POU2F1: variants seen among roughly 807,000 people sequenced by gnomAD.
POU2F1 encodes POU domain, class 2, transcription factor 1.
Under a neutral mutation model 84.9 loss-of-function variants are expected in POU2F1, and 16 were observed. The observed-to-expected ratio is 0.19, with a 90% confidence interval of 0.13 to 0.29. The LOEUF (loss-of-function observed/expected upper bound fraction) is 0.29. Among genes scored for constraint, POU2F1 ranks in the 10% least tolerant of loss-of-function variants. The probability of loss-of-function intolerance (pLI) is 1.00; values close to 1 mark genes in which losing one functional copy is unlikely to be tolerated. For synonymous variants in POU2F1, 368 were observed against 368.3 expected (o/e 1.00, Z 0.01); for missense variants, 738 against 942.6 (o/e 0.78, Z 2.84).
chr1:167,271,794 A>G (rs2102469662), intron 1 of POU2F1, among the ~76,000 whole-genome samples: 1 of 152,330 alleles, frequency 6.6e-6, no homozygotes, highest in Non-Finnish European at 1.5e-5. Context: ...TAATGTAGGA[A>G]TAGGCAAACA....
At chr1:167,329,957 C>T (rs1656972122) in intron 1 of POU2F1, among the ~76,000 whole-genome samples, 1 of 152,106 alleles carries the variant, frequency 6.6e-6, no homozygotes, top group Non-Finnish European at 1.5e-5. Context: ...TTAGAGTTTT[C>T]TCTGTAGAAC....
At chr1:167,243,707 C>T (rs891987810) in intron 1 of POU2F1, among the ~76,000 whole-genome samples, 1 of 152,140 alleles carries the variant, frequency 6.6e-6, no homozygotes, top group African/African-American at 2.4e-5. Context: ...AACTCCCAAC[C>T]CCAGATGATC....
chr1:167,329,206 C>T lies in POU2F1; in HGVS notation c.62-3264C>T, dbSNP rs938401944. The T allele has an allele frequency of 2.2e-5, 34 of 1,534,444 alleles. No individual in the cohort carries two copies. In the Admixed American group the frequency reaches 6.6e-4, roughly 30 times the overall value. ...GATTTGTTAGAAATAGTAGTACCTT[C>T]TTTCCCCACCCCAAACTGCTACCTG... is the stretch of plus-strand genomic sequence containing the variant. On this transcript the variant is annotated intron_variant, in intron 1 of 15. Coordinates refer to ENST00000367866, the MANE Select transcript of POU2F1 (RefSeq NM_002697.4).
intron 1 of POU2F1, among the ~76,000 whole-genome samples, chr1:167,263,345 C>T (rs1651707556): frequency 6.6e-6 from 1 of 151,988 alleles, no homozygotes; most frequent in Non-Finnish European, 1.5e-5. Context: ...TATGATGAAA[C>T]CCTGTTTCTA....
chr1:167,317,068 T>G (rs973687400), intron 1 of POU2F1, among the ~76,000 whole-genome samples: 1 of 152,090 alleles, frequency 6.6e-6, no homozygotes, highest in Admixed American at 6.5e-5. Context: ...AATTCTTGTA[T>G]TTTTAGTAGA....
rs1254594212 is a variant in POU2F1 at position 167,413,041 on chromosome 1, T to C, written c.1917T>C (p.Ser639=). 1.2e-6 allele frequency: 2 copies of C among 1,613,938 alleles called. No homozygotes were observed. The highest frequency in any genetic ancestry group is 2.7e-5 in the African/African-American group (2 of 74,928). Residue 639 remains serine (S), a synonymous_variant, in exon 15 of 16, where the codon AGT becomes AGC. Coordinates refer to ENST00000367866, the MANE Select transcript of POU2F1 (RefSeq NM_002697.4). The part of the protein sequence containing the change: ...SQFAAGGALL[S]LNPGTLSGAL... ...GGACTTGCAGAGGTGCCTTACTCAG[T>C]CTGAATCCAGGGACCCTGAGCGGTG...
At chr1:167,245,047 A>G (rs1381450406) in intron 1 of POU2F1, among the ~76,000 whole-genome samples, 2 of 152,228 alleles carry the variant, frequency 1.3e-5, no homozygotes, top group Non-Finnish European at 2.9e-5. Flanking sequence ...AGAGAGGAGA[A>G]TAGGAGCATA....
At chr1:167,353,796 A>C (rs1449656688) in intron 2 of POU2F1, among the ~76,000 whole-genome samples, 3 of 152,238 alleles carry the variant, frequency 2.0e-5, no homozygotes, top group Non-Finnish European at 4.4e-5. Context: ...TTAAGTACTC[A>C]TATCTACCAC....
At chr1:167,294,172 C>CAAAAAAAAAAAAAAAAAA in intron 1 of POU2F1, among the ~76,000 whole-genome samples, 1 of 30,958 alleles carries the variant, frequency 3.2e-5, no homozygotes, top group Non-Finnish European at 9.0e-5. Context: ...TACTAAAATA[C>CAAAAAAAAAAAAAAAAAA]AAAAAAAAAA....
intron 1 of POU2F1, among the ~76,000 whole-genome samples, chr1:167,241,199 T>C (rs1168068034): frequency 6.6e-6 from 1 of 152,078 alleles, no homozygotes; most frequent in Admixed American, 6.6e-5. Context: ...AGGAGATAAC[T>C]CTCCTCTCCT....
At chr1:167,395,204 A>C (rs1648719497) in intron 9 of POU2F1, among the ~76,000 whole-genome samples, 2 of 152,214 alleles carry the variant, frequency 1.3e-5, no homozygotes, top group Admixed American at 1.3e-4. Flanking sequence ...TACATTTCAA[A>C]GGTTATAGGC....
intron 2 of POU2F1, among the ~76,000 whole-genome samples, chr1:167,333,905 A>C (rs1416764318): frequency 6.6e-6 from 1 of 152,150 alleles, no homozygotes; most frequent in East Asian, 1.9e-4. Flanking sequence ...ATGTTTGCAG[A>C]GAGAAATAGG....
chr1:167,414,283 G>C, intron 15 of POU2F1: 1 of 971,904 alleles, frequency 1.0e-6, no homozygotes, highest in Non-Finnish European at 1.2e-6. Context: ...CTGCTTTATT[G>C]AATGTTTCTG....
chr1:167,221,244 CACCGGCCCTCCTCCTCT>C (rs1221165852), intron 1 of POU2F1, among the ~76,000 whole-genome samples: 1 of 151,244 alleles, frequency 6.6e-6, no homozygotes, highest in Non-Finnish European at 1.5e-5. Context: ...TGCCCGTCGG[CACCGGCCCTCCTCCTCT>C]GCCGGCCGCC....
intron 1 of POU2F1, among the ~76,000 whole-genome samples, chr1:167,228,416 C>G (rs1157961286): frequency 1.3e-5 from 2 of 152,094 alleles, no homozygotes; most frequent in Non-Finnish European, 2.9e-5. Context: ...ATTACTTGAC[C>G]TCAAGAGACT....
At position 167,267,630 on chromosome 1, in the gene POU2F1, CTTTT is replaced by C. The variant is rs71073658; in HGVS notation, c.61+46694_61+46697del. 7.2e-4 allele frequency among the ~76,000 whole-genome samples: 51 copies of C among 70,476 alleles called. 1 individual carries two copies. The East Asian group carries it at 0.02, about 27-fold the overall frequency. 46.2% of individuals were successfully genotyped at this position (70,476 alleles called of 152,430 possible). On this transcript the variant is annotated intron_variant, in intron 1 of 15. Transcript: ENST00000367866. Reference sequence around the variant, plus strand: ...TGTGAAAGTATCACAGTTACTGTGTCTTTTTTTTTTTTTTTTTTTTTTTTTGAGA... The same window carrying C: ...TGTGAAAGTATCACAGTTACTGTGTCTTTTTTTTTTTTTTTTTTTTTGAGA...
chr1:167,352,868 C>T (rs1280843077), intron 2 of POU2F1, among the ~76,000 whole-genome samples: 2 of 152,074 alleles, frequency 1.3e-5, no homozygotes, highest in Non-Finnish European at 2.9e-5. Flanking sequence ...AATGTGTTTT[C>T]GTAGTAAGAA....
chr1:167,237,822 C>G (rs905553948), intron 1 of POU2F1, among the ~76,000 whole-genome samples: 24 of 134,186 alleles, frequency 1.8e-4, no homozygotes, highest in Non-Finnish European at 3.7e-4. Context: ...CTCTGTCGCC[C>G]AGGCAGGAGT....
intron 1 of POU2F1, among the ~76,000 whole-genome samples, chr1:167,295,459 A>G (rs369614369): frequency 1.8e-4 from 28 of 152,250 alleles, no homozygotes; most frequent in African/African-American, 6.0e-4. Flanking sequence ...GTTCTCACTT[A>G]TAAGTGGGAA....
Sources: gnomAD v4.1 joint callset for allele counts (sites outside exome capture counted in the v4.1 genomes callset) on GRCh38, gnomAD v4.1.1 for gene constraint, MANE v1.5 for transcripts, NCBI Gene and HGNC (gene_info 2026-07-23, HGNC 2026-07-21) for gene names.